ATF6: variants seen among roughly 807,000 people sequenced by gnomAD.
ATF6 encodes the protein cyclic AMP-dependent transcription factor ATF-6 alpha.
In ATF6, 53 loss-of-function variants were observed where a neutral mutation model predicts 83.6. The observed-to-expected ratio is 0.63, with a 90% CI of 0.51 to 0.80. The LOEUF is 0.80. Among genes scored for constraint, ATF6 ranks in the 30% least tolerant of loss-of-function variants. The probability of loss-of-function intolerance (pLI) is 0.00; values close to 1 mark genes in which losing one functional copy is unlikely to be tolerated. For missense variants in ATF6, 744 were observed against 797.9 expected, an observed-to-expected ratio of 0.93 and a Z score of 0.81; for synonymous variants, 288 against 285.8, an observed-to-expected ratio of 1.01 and a Z score of -0.08.
intron 15 of ATF6, among the ~76,000 whole-genome samples, chr1:161,915,895 T>C (rs185621803): frequency 6.6e-6 from 1 of 152,256 alleles, no homozygotes; most frequent in East Asian, 1.9e-4. Context: ...AGTGCTAGGA[T>C]TACAGACATG....
chr1:161,939,087 G>C (rs72708099), intron 15 of ATF6, among the ~76,000 whole-genome samples: 1 of 152,040 alleles, frequency 6.6e-6, no homozygotes, highest in African/African-American at 2.4e-5. Flanking sequence ...TTCCATCACC[G>C]TCATGCTACC....
At chr1:161,831,958 G>GA (rs112191355) in intron 9 of ATF6, among the ~76,000 whole-genome samples, 2,935 of 146,472 alleles carry the variant, frequency 0.02, 104 homozygotes, top group African/African-American at 0.07. Flanking sequence ...AAAAAAAAAA[G>GA]AAAGAAAAAT....
chr1:161,818,462 G>A (rs1451501264), intron 7 of ATF6, among the ~76,000 whole-genome samples: 1 of 152,096 alleles, frequency 6.6e-6, no homozygotes, highest in African/African-American at 2.4e-5. Flanking sequence ...TGGCTTTCAA[G>A]GTATAAAATC....
At chr1:161,865,243 T>A (rs1686969496) in intron 14 of ATF6, among the ~76,000 whole-genome samples, 1 of 151,838 alleles carries the variant, frequency 6.6e-6, no homozygotes, top group Admixed American at 6.6e-5. Flanking sequence ...TACTACAACC[T>A]CCACCTCCCA....
chr1:161,936,293 CTTTTTAATTT>C (rs1458460125), intron 15 of ATF6, among the ~76,000 whole-genome samples: 2 of 86,738 alleles, frequency 2.3e-5, no homozygotes, highest in African/African-American at 6.1e-5. Flanking sequence ...AGATGTTTTT[CTTTTTAATTT>C]TTTTTAATTT....
intron 14 of ATF6, chr1:161,891,704 C>T (rs2101870031): frequency 6.6e-6 from 1 of 152,322 alleles, no homozygotes; most frequent in Non-Finnish European, 1.5e-5. Flanking sequence ...CCCCATTTGC[C>T]TTCAGGAGTT....
Position 161,783,971 on chromosome 1 carries a change from T to C in ATF6, c.248-19T>C. 3.3e-6 allele frequency: 5 copies of C among 1,532,028 alleles called. No homozygotes were observed. Among genetic ancestry groups the C allele is most frequent in the Non-Finnish European group, 4.5e-6 (5 of 1,107,394 alleles). 94.9% of individuals were successfully genotyped at this position (1,532,028 alleles called of 1,614,324 possible). On this transcript the variant is annotated intron_variant, in intron 3 of 15. Transcript: ENST00000367942. Reference sequence around the variant, plus strand: ...TTTTTATTGTCCAGTGGGTAAAACCTTTCCTCCATGTTTTCCAGTTAAAGA... The same window carrying C: ...TTTTTATTGTCCAGTGGGTAAAACCCTTCCTCCATGTTTTCCAGTTAAAGA...
At chr1:161,836,702 T>C in intron 9 of ATF6, among the ~76,000 whole-genome samples, 1 of 152,226 alleles carries the variant, frequency 6.6e-6, no homozygotes, top group Non-Finnish European at 1.5e-5. Context: ...TGTTGATGCT[T>C]TTCTCTAGTT....
At chr1:161,821,687 G>A (rs949658893) in intron 9 of ATF6, among the ~76,000 whole-genome samples, 10 of 152,184 alleles carry the variant, frequency 6.6e-5, no homozygotes, top group Admixed American at 3.9e-4. Context: ...TAGATATATG[G>A]TTAGAAGTAT....
chr1:161,770,953 A>G (rs1451859316), intron 1 of ATF6, among the ~76,000 whole-genome samples: 1 of 152,224 alleles, frequency 6.6e-6, no homozygotes, highest in Non-Finnish European at 1.5e-5. Flanking sequence ...TCCCGCTAGC[A>G]ATGAATGAGC....
Position 161,947,810 on chromosome 1 carries a change from CTTTTTTTTTTTTTTTT to C in ATF6, c.1805-10620_1805-10605del, listed in dbSNP as rs10524670. On this transcript the variant is annotated intron_variant, in intron 15 of 15. Coordinates refer to ENST00000367942, the MANE Select transcript of ATF6 (RefSeq NM_007348.4). ...ATATTCCATAGTCCTTAAGCCACGC[CTTTTTTTTTTTTTTTT>C]TTTTTTTTTTTTTTTGAGATGGAGT... Among the ~76,000 whole-genome samples the C allele has an allele frequency of 6.0e-3, 343 of 57,610 alleles. 2 individuals are homozygous for C. Among genetic ancestry groups the C allele is most frequent in the African/African-American group, 0.029 (337 of 11,750 alleles). The allele number at this position is 57,610 out of a possible 152,430, so 37.8% of individuals were successfully genotyped here. A position where few individuals can be genotyped will look rare whatever the true frequency, so the allele number is the denominator to read the frequency against.
At chr1:161,820,924 A>ATTTTTT in intron 8 of ATF6, 146 bp from the exon 9 acceptor site, 1 of 356,956 alleles carries the variant, frequency 2.8e-6, no homozygotes, top group Non-Finnish European at 4.9e-6. Flanking sequence ...CTCACCTTTG[A>ATTTTTT]TTTTTTTTTT....
At chr1:161,837,233 A>G (rs892485484) in intron 9 of ATF6, among the ~76,000 whole-genome samples, 2 of 152,216 alleles carry the variant, frequency 1.3e-5, no homozygotes, top group Non-Finnish European at 2.9e-5. Flanking sequence ...TGTAATTATT[A>G]TATATTGCTT....
intron 15 of ATF6, among the ~76,000 whole-genome samples, chr1:161,957,859 C>G (rs1039606261): frequency 5.3e-5 from 8 of 152,214 alleles, no homozygotes; most frequent in African/African-American, 1.9e-4. Flanking sequence ...TGTCAGATGT[C>G]TATAACTTGT....
Position 161,802,266 on chromosome 1 carries a change from T to C in ATF6, c.903T>C (p.Gly301=). ...TACAAAGTACCATGAGAAATGTCGGTTCAGATGTAAGTTTTGAAACTTAGT... is the reference window on the plus strand; with the variant it reads ...TACAAAGTACCATGAGAAATGTCGGCTCAGATGTAAGTTTTGAAACTTAGT... ...PVLQSTMRNV[G]SDIAVLRRQQ... Residue 301 remains glycine (G), a synonymous_variant, in exon 7 of 16, where the codon GGT becomes GGC. Transcript: ENST00000367942. The C allele has an allele frequency of 6.2e-7, 1 of 1,613,632 alleles. No homozygotes were observed. The highest frequency in any genetic ancestry group is 8.5e-7 in the Non-Finnish European group (1 of 1,179,674).
chr1:161,775,512 CCTTT>C (rs1401907168), intron 1 of ATF6, among the ~76,000 whole-genome samples: 2 of 152,160 alleles, frequency 1.3e-5, no homozygotes, highest in Admixed American at 6.6e-5. Flanking sequence ...TTCCTTCCTT[CCTTT>C]GTTCCGTGAT....
Position 161,781,780 on chromosome 1 carries a change from C to G in ATF6, c.160-132C>G, listed in dbSNP as rs546674111. On this transcript the variant is annotated intron_variant, in intron 2 of 15. Transcript: ENST00000367942. ...AAGATGTATTCTCATACAAGACTGA[C>G]TTAGAGTATTCTTTTTACTAGGTTG... is the stretch of plus-strand genomic sequence containing the variant. 88 of 590,028 alleles carry G rather than the reference C, an allele frequency of 1.5e-4. 1 individual carries two copies. The South Asian group carries it at 1.8e-3, about 12-fold the overall frequency. 36.5% of individuals were successfully genotyped at this position (590,028 alleles called of 1,614,324 possible).
At chr1:161,843,467 C>T (rs192211996) in intron 9 of ATF6, among the ~76,000 whole-genome samples, 4 of 152,230 alleles carry the variant, frequency 2.6e-5, no homozygotes, top group Middle Eastern at 3.4e-3. Context: ...ATCATTCATT[C>T]TGGGAAATGT....
chr1:161,852,278 AC>A (rs1686649541), intron 11 of ATF6, among the ~76,000 whole-genome samples: 1 of 152,140 alleles, frequency 6.6e-6, no homozygotes, highest in South Asian at 2.1e-4. Context: ...AACCTCAAAA[AC>A]TACCTCAGAT....
Sources: gnomAD v4.1 joint callset for allele counts (sites outside exome capture counted in the v4.1 genomes callset) on GRCh38, gnomAD v4.1.1 for gene constraint, MANE v1.5 for transcripts, NCBI Gene and HGNC (gene_info 2026-07-23, HGNC 2026-07-21) for gene names.